Variants in LRRC8C observed in about 807,000 individuals in gnomAD.
LRRC8C encodes volume-regulated anion channel subunit LRRC8C.
A neutral mutation model predicts 55.3 loss-of-function variants in LRRC8C; 20 were observed. That is an observed-to-expected ratio of 0.36 (90% CI 0.25 to 0.53). LRRC8C has a LOEUF of 0.53. Ranked by LOEUF, LRRC8C falls within the 20% of genes least tolerant of loss-of-function variation. The pLI, the probability that LRRC8C is intolerant of heterozygous loss-of-function variation, is 0.92. For missense variants in LRRC8C, 659 were observed against 951.4 expected (o/e 0.69, Z 4.04); for synonymous variants, 376 against 360.7 (o/e 1.04, Z -0.48).
At chr1:89,623,841 T>C in the LRRC8C span, among the ~76,000 whole-genome samples, 1 of 152,226 alleles carries the variant, frequency 6.6e-6, no homozygotes, top group Non-Finnish European at 1.5e-5. Context: ...ATCCCATCAA[T>C]TTCCACCTAG....
chr1:89,686,659 G>A, intron 2 of LRRC8C, 48 bp downstream of exon 2: 2 of 1,605,252 alleles, frequency 1.2e-6, no homozygotes, highest in Non-Finnish European at 1.7e-6. Context: ...CAAAGCACAA[G>A]TCATTGAAAC....
intron 2 of LRRC8C, among the ~76,000 whole-genome samples, chr1:89,694,006 G>T (rs573283935): frequency 1.3e-5 from 2 of 151,956 alleles, no homozygotes; most frequent in East Asian, 3.9e-4. Flanking sequence ...TTCTACTAGG[G>T]TCTTTGGGGA....
the LRRC8C span, chr1:89,626,186 G>GCACA: frequency 6.6e-6 from 1 of 152,140 alleles, no homozygotes; most frequent in Non-Finnish European, 1.5e-5. Context: ...TGATATTTAG[G>GCACA]TGCAAAGAAG....
intron 1 of LRRC8C, among the ~76,000 whole-genome samples, chr1:89,646,035 A>G (rs1049330418): frequency 1.3e-5 from 2 of 151,918 alleles, no homozygotes; most frequent in Non-Finnish European, 2.9e-5. Context: ...TTTAATATTA[A>G]TCATCTTAAT....
rs766505843 is a variant in LRRC8C, at chr1:89,712,710, T to C, written c.140T>C (p.Val47Ala). 45 of 1,607,730 alleles carry C rather than the reference T, an allele frequency of 2.8e-5. No individual in the cohort carries two copies. The highest frequency in any genetic ancestry group is 3.8e-5 in the Non-Finnish European group (45 of 1,174,450). The change falls in exon 3 of 3, where the codon GTC becomes GCC. Residue 47 changes from valine to alanine, a missense_variant and splice_region_variant. Around this residue, in one of 5 missense-constraint regions of LRRC8C, gnomAD observed 82 missense variants for 71.4 expected, o/e 1.15. Transcript: ENST00000370454. ...GAAAATATTATTTCCATGTTTCAGG[T>C]CATGCAAGACAAGATAATCTGCCTT... Reference protein sequence around the residue: ...MIGVFGCTLQVMQDKIICLPK... With the variant: ...MIGVFGCTLQAMQDKIICLPK...
chr1:89,656,353 G>T (rs968679275), intron 1 of LRRC8C, among the ~76,000 whole-genome samples: 1 of 152,206 alleles, frequency 6.6e-6, no homozygotes, highest in Non-Finnish European at 1.5e-5. Context: ...CAGGTGTGGG[G>T]TGGGGATGGG....
chr1:89,618,920 TTC>T, the LRRC8C span, among the ~76,000 whole-genome samples: 12 of 152,212 alleles, frequency 7.9e-5, no homozygotes, highest in African/African-American at 2.9e-4. Flanking sequence ...GCTGAACTGT[TTC>T]TGTTTTAAAA....
chr1:89,639,238 G>A (rs1267486219), intron 1 of LRRC8C, among the ~76,000 whole-genome samples: 2 of 152,096 alleles, frequency 1.3e-5, no homozygotes, highest in Admixed American at 6.5e-5. Context: ...ACCTGCCTCA[G>A]CCTCCCCAAG....
Position 89,716,385 on chromosome 1 carries a change from G to A in LRRC8C, c.*1403G>A, listed in dbSNP as rs937320268. 3 of 152,160 alleles carry A rather than the reference G, an allele frequency of 2.0e-5. No homozygotes were observed. The highest frequency in any genetic ancestry group is 4.1e-4 in the South Asian group (2 of 4,832). 9.4% of individuals were successfully genotyped at this position (152,160 alleles called of 1,614,324 possible). A position where few individuals can be genotyped will look rare whatever the true frequency, so the allele number is the denominator to read the frequency against. ...TGCTGTGAACTAGTGCTACAAGCACGGGAAATCCATCTGCTCTCTGGCTTA... is the reference window on the plus strand; with the variant it reads ...TGCTGTGAACTAGTGCTACAAGCACAGGAAATCCATCTGCTCTCTGGCTTA... On this transcript the variant is annotated 3_prime_UTR_variant, in exon 3 of 3. Transcript: ENST00000370454.
the LRRC8C span, among the ~76,000 whole-genome samples, chr1:89,615,915 T>C: frequency 6.6e-6 from 1 of 152,168 alleles, no homozygotes; most frequent in East Asian, 1.9e-4. Flanking sequence ...AATCAACTGC[T>C]GGGAGCCCTC....
intron 1 of LRRC8C, chr1:89,676,106 C>T (rs930466656): frequency 1.3e-5 from 2 of 152,124 alleles, no homozygotes; most frequent in Non-Finnish European, 2.9e-5. Flanking sequence ...TGACAAAAAT[C>T]CCAAAGAAAT....
chr1:89,659,846 G>T (rs1657064009), intron 1 of LRRC8C, among the ~76,000 whole-genome samples: 1 of 152,172 alleles, frequency 6.6e-6, no homozygotes, highest in South Asian at 2.1e-4. Flanking sequence ...TAGGTCAGGG[G>T]CTGGGCATGC....
At chr1:89,655,473 G>A (rs1320563) in intron 1 of LRRC8C, among the ~76,000 whole-genome samples, 91,970 of 152,028 alleles carry the variant, frequency 0.6, 28,500 homozygotes, top group East Asian at 0.8. Context: ...CTATATCTGT[G>A]TCTTCAAATG....
rs924480649 is a variant in LRRC8C, at chr1:89,673,087, A to G, written c.-4-13383A>G. ...TCTTCTTTGAAGTGTTGGACTTTTA[A>G]AAGTGTTTTTTCTTCTTTCTTCCAT... On this transcript the variant is annotated intron_variant, in intron 1 of 2. Coordinates refer to ENST00000370454, the MANE Select transcript of LRRC8C (RefSeq NM_032270.5). Among the ~76,000 whole-genome samples the G allele has an allele frequency of 1.4e-4, 21 of 152,126 alleles. 1 individual carries two copies. Among genetic ancestry groups the G allele is most frequent in the African/African-American group, 5.1e-4 (21 of 41,428 alleles).
intron 2 of LRRC8C, among the ~76,000 whole-genome samples, chr1:89,702,201 G>C (rs1429259954): frequency 1.3e-5 from 2 of 151,898 alleles, no homozygotes; most frequent in African/African-American, 4.8e-5. Flanking sequence ...ACTCTGGGGG[G>C]CTGGGGGCTG....
chr1:89,626,813 A>G, the LRRC8C span: 1 of 152,118 alleles, frequency 6.6e-6, no homozygotes, highest in African/African-American at 2.4e-5. Context: ...TCTGAACTCC[A>G]TCCTTTTTGG....
chr1:89,628,634 G>C (rs1656033732), upstream of LRRC8C, among the ~76,000 whole-genome samples: 1 of 152,176 alleles, frequency 6.6e-6, no homozygotes, highest in African/African-American at 2.4e-5. Context: ...ATCCAGCAAG[G>C]GGAATGGGGA....
chr1:89,622,412 A>G, the LRRC8C span, among the ~76,000 whole-genome samples: 11 of 149,394 alleles, frequency 7.4e-5, no homozygotes, highest in African/African-American at 2.7e-4. Context: ...GGCTCACTGC[A>G]AGCTCCGCCT....
intron 1 of LRRC8C, among the ~76,000 whole-genome samples, chr1:89,666,724 C>T (rs943245276): frequency 4.6e-5 from 7 of 152,132 alleles, no homozygotes; most frequent in Non-Finnish European, 1.0e-4. Context: ...ATTTTAATAA[C>T]TGGAAGAATT....
Sources: allele counts gnomAD v4.1 joint callset (sites outside exome capture counted in the v4.1 genomes callset), GRCh38; gene constraint gnomAD v4.1.1; regional missense constraint gnomAD v4.1.1; transcripts MANE v1.5; gene names NCBI Gene and HGNC (gene_info 2026-07-23, HGNC 2026-07-21).